ZNF83: variants seen among roughly 807,000 people sequenced by gnomAD.
ZNF83 encodes the protein zinc finger protein 816B.
For missense variants in ZNF83, 552 were observed against 629.9 expected, an observed-to-expected ratio of 0.88 and a Z score of 1.32; for synonymous variants, 209 against 213.0, an observed-to-expected ratio of 0.98 and a Z score of 0.17.
intron 2 of ZNF83, among the ~76,000 whole-genome samples, chr19:52,615,836 T>A (rs1232961747): frequency 6.6e-6 from 1 of 152,184 alleles, no homozygotes; most frequent in East Asian, 1.9e-4. Context: ...CAGAGACTGA[T>A]AAATCTTTTT....
chr19:52,647,640 C>T (rs888716105), intron 3 of ZNF83, among the ~76,000 whole-genome samples: 1 of 150,550 alleles, frequency 6.6e-6, no homozygotes, highest in East Asian at 2.0e-4. Context: ...TCATTCTCCC[C>T]TTCTCTCTCT....
At chr19:52,676,302 G>C (rs1257754631) in intron 1 of ZNF83, among the ~76,000 whole-genome samples, 1 of 152,172 alleles carries the variant, frequency 6.6e-6, no homozygotes, top group Admixed American at 6.5e-5. Flanking sequence ...GCCCAGGCTG[G>C]AGTGCAGTGG....
chr19:52,630,946 C>T (rs1020352460), intron 2 of ZNF83, among the ~76,000 whole-genome samples: 19 of 150,562 alleles, frequency 1.3e-4, no homozygotes, highest in Admixed American at 2.7e-4. Context: ...TGCCTATCCA[C>T]CCCATGGTGC....
intron 1 of ZNF83, among the ~76,000 whole-genome samples, chr19:52,664,255 G>C (rs1384523051): frequency 6.6e-6 from 1 of 151,790 alleles, no homozygotes; most frequent in East Asian, 1.9e-4. Flanking sequence ...CAAGACTTTG[G>C]GAGGCCGATG....
rs183150131 is a variant in ZNF83, at chr19:52,673,360, G to A, written c.-282-12517C>T. Among the ~76,000 whole-genome samples, 414 of 152,094 alleles carry A rather than the reference G, an allele frequency of 2.7e-3. 3 individuals carry two copies. The highest frequency in any genetic ancestry group is 4.1e-3 in the Non-Finnish European group (277 of 67,984). On this transcript the variant is annotated intron_variant, in intron 1 of 5. Coordinates refer to the ZNF83 transcript ENST00000594682. Reference sequence around the variant, plus strand: ...TCTCTAAAAAAATACAAAATTAGCCGAGGGTGATGGCGCATGCCTGTAATC... The same window carrying A: ...TCTCTAAAAAAATACAAAATTAGCCAAGGGTGATGGCGCATGCCTGTAATC...
intron 1 of ZNF83, among the ~76,000 whole-genome samples, chr19:52,674,582 G>A (rs989789594): frequency 2.0e-5 from 3 of 152,124 alleles, no homozygotes; most frequent in African/African-American, 7.2e-5. Flanking sequence ...GATTTGCAGA[G>A]TACAATATTA....
intron 1 of ZNF83, among the ~76,000 whole-genome samples, chr19:52,664,202 T>TA (rs946809308): frequency 2.6e-4 from 37 of 142,392 alleles, no homozygotes; most frequent in South Asian, 6.6e-4. Context: ...TTTTTTTTTT[T>TA]AATTAAGAAC....
intron 3 of ZNF83, among the ~76,000 whole-genome samples, chr19:52,645,890 G>T (rs745504622): frequency 4.0e-5 from 6 of 151,742 alleles, no homozygotes; most frequent in Admixed American, 6.6e-5. Context: ...TTACACAAGA[G>T]AACAAAAGCA....
chr19:52,654,644 G>T (rs970055514), intron 3 of ZNF83, among the ~76,000 whole-genome samples: 1 of 152,106 alleles, frequency 6.6e-6, no homozygotes, highest in Admixed American at 6.6e-5. Flanking sequence ...TTGAACCTAG[G>T]AGGCAGAGAT....
upstream of ZNF83, among the ~76,000 whole-genome samples, chr19:52,640,270 G>C (rs1036159458): frequency 1.3e-5 from 2 of 152,142 alleles, no homozygotes; most frequent in Non-Finnish European, 2.9e-5. Flanking sequence ...AAGCCACCTG[G>C]AAACACCAAC....
chr19:52,618,405 G>GC, intron 2 of ZNF83: 1 of 154,878 alleles, frequency 6.5e-6, no homozygotes, highest in South Asian at 2.0e-4. Context: ...GACTACAGGT[G>GC]CCCACCACCA....
intron 1 of ZNF83, among the ~76,000 whole-genome samples, chr19:52,682,304 G>C (rs1177147025): frequency 6.6e-6 from 1 of 152,126 alleles, no homozygotes; most frequent in East Asian, 1.9e-4. Flanking sequence ...AGGATCCCTA[G>C]AGGTCAGTAG....
intron 3 of ZNF83, chr19:52,653,160 G>A (rs1050474218): frequency 2.6e-5 from 37 of 1,434,150 alleles, no homozygotes; most frequent in African/African-American, 1.2e-4. Flanking sequence ...GTTTTTCTCC[G>A]GTATGAAGTC....
chr19:52,680,606 ATTTT>A (rs556558292), intron 1 of ZNF83, among the ~76,000 whole-genome samples: 1,909 of 88,844 alleles, frequency 0.021, 7 homozygotes, highest in African/African-American at 0.035. Flanking sequence ...TCCACAAAAT[ATTTT>A]TTTTTTTTTT....
At chr19:52,673,092 C>T (rs541572807) in intron 1 of ZNF83, among the ~76,000 whole-genome samples, 27 of 152,170 alleles carry the variant, frequency 1.8e-4, no homozygotes, top group Admixed American at 1.1e-3. Context: ...GCCTGTAATC[C>T]CAGCTACTCA....
At chr19:52,686,562 AT>A (rs1434542773) in intron 1 of ZNF83, among the ~76,000 whole-genome samples, 4 of 151,222 alleles carry the variant, frequency 2.6e-5, no homozygotes, top group African/African-American at 9.7e-5. Flanking sequence ...TACCCCTTTT[AT>A]TTTTTATTTT....
intron 1 of ZNF83, among the ~76,000 whole-genome samples, chr19:52,687,643 A>ATAATGTG (rs1555792763): frequency 4.6e-4 from 17 of 36,564 alleles, no homozygotes; most frequent in Admixed American, 3.6e-3. Flanking sequence ...GTATATATAT[A>ATAATGTG]TATATATATA....
At chr19:52,679,419 T>G (rs1600269723) in intron 1 of ZNF83, among the ~76,000 whole-genome samples, 1 of 152,048 alleles carries the variant, frequency 6.6e-6, no homozygotes, top group Admixed American at 6.5e-5. Flanking sequence ...AAGACAAGCT[T>G]GGGCACCAAG....
At position 52,662,112 on chromosome 19, in the gene ZNF83, G is replaced by T. The variant is rs546029824; in HGVS notation, c.-282-1269C>A. Among the ~76,000 whole-genome samples the T allele has an allele frequency of 1.3e-3, 200 of 152,248 alleles. 1 individual carries two copies. The highest frequency in any genetic ancestry group is 4.4e-3 in the African/African-American group (182 of 41,536). The stretch of plus-strand genomic sequence containing the variant: ...AATATTTTTCTCCCACACTTCAAAA[G>T]AATTTTGGAAATGATGTATTTTCTC... On this transcript the variant is annotated intron_variant, in intron 1 of 5. Transcript: ENST00000594682.
Sources: allele counts gnomAD v4.1 joint callset (sites outside exome capture counted in the v4.1 genomes callset), GRCh38; gene constraint gnomAD v4.1.1; transcripts MANE v1.5; gene names NCBI Gene and HGNC (gene_info 2026-07-23, HGNC 2026-07-21).